Variants in MAGI2 observed in about 807,000 individuals in gnomAD.
The protein encoded by MAGI2 is membrane associated guanylate kinase, WW and PDZ domain containing 2.
MAGI2 carries 35 observed loss-of-function variants against 133.3 expected under a neutral mutation model. The observed-to-expected ratio is 0.26, with a 90% CI of 0.20 to 0.35. The LOEUF is 0.35. Ranked by LOEUF, MAGI2 falls within the 10% of genes least tolerant of loss-of-function variation. MAGI2 has a pLI of 1.00. For synonymous variants in MAGI2, 729 were observed against 710.6 expected (o/e 1.03, Z -0.41); for missense variants, 1,636 against 1,863.4 (o/e 0.88, Z 2.25).
chr7:78,676,717 G>T (rs137997244), intron 2 of MAGI2, among the ~76,000 whole-genome samples: 1 of 151,862 alleles, frequency 6.6e-6, no homozygotes, highest in Admixed American at 6.6e-5. Flanking sequence ...TTACATTATG[G>T]ATGAATAATC....
At chr7:78,793,925 G>T (rs1441864557) in intron 2 of MAGI2, among the ~76,000 whole-genome samples, 3 of 152,156 alleles carry the variant, frequency 2.0e-5, no homozygotes, top group Non-Finnish European at 4.4e-5. Flanking sequence ...CCTGTCTCAT[G>T]TAGGTATTTA....
In MAGI2 at chr7:79,453,596, C is replaced by A; in HGVS notation, c.-276G>T. 1 of 1,137,064 alleles carries A rather than the reference C, an allele frequency of 8.8e-7. No homozygotes were observed. Among genetic ancestry groups the A allele is most frequent in the South Asian group, 3.7e-5 (1 of 26,836 alleles). 70.4% of individuals were successfully genotyped at this position (1,137,064 alleles called of 1,614,324 possible). On this transcript the variant is annotated 5_prime_UTR_variant, in exon 1 of 22. Transcript: ENST00000354212. ...GGCTGTGGCCCCGCAGCAGAGGAAG[C>A]AGTGGTGGTGGCGTCGGCGGCGGCG... is the stretch of plus-strand genomic sequence containing the variant.
chr7:78,070,602 ATGTG>A (rs1326687659), intron 21 of MAGI2, among the ~76,000 whole-genome samples: 55 of 46,406 alleles, frequency 1.2e-3, no homozygotes, highest in Non-Finnish European at 2.1e-3. Context: ...ATGTGTATAT[ATGTG>A]TATATATATA....
chr7:78,865,970 A>G (rs1467705338), intron 2 of MAGI2, among the ~76,000 whole-genome samples: 5 of 152,170 alleles, frequency 3.3e-5, no homozygotes, highest in Non-Finnish European at 5.9e-5. Flanking sequence ...TCAATCTGAT[A>G]CAATCTGAAT....
At chr7:78,990,221 G>A (rs756448393) in intron 2 of MAGI2, among the ~76,000 whole-genome samples, 6 of 151,984 alleles carry the variant, frequency 3.9e-5, no homozygotes, top group African/African-American at 7.2e-5. Flanking sequence ...AGTTTACTAA[G>A]GCCACCTCAT....
At chr7:78,084,995 TC>T (rs1816459867) in intron 20 of MAGI2, among the ~76,000 whole-genome samples, 1 of 152,208 alleles carries the variant, frequency 6.6e-6, no homozygotes, top group Non-Finnish European at 1.5e-5. Context: ...TTAGATGGGT[TC>T]CAAGTGCCTA....
At chr7:79,422,090 C>G (rs1229786802) in intron 1 of MAGI2, among the ~76,000 whole-genome samples, 2 of 152,008 alleles carry the variant, frequency 1.3e-5, no homozygotes. Context: ...CAGGACCAAT[C>G]ACACTAAAGA....
chr7:79,265,571 T>C (rs1310287114), intron 1 of MAGI2, among the ~76,000 whole-genome samples: 1 of 152,212 alleles, frequency 6.6e-6, no homozygotes, highest in South Asian at 2.1e-4. Flanking sequence ...TACGTGCTTA[T>C]ATAAATATGC....
At chr7:78,031,368 T>C (rs1563025361) in intron 21 of MAGI2, among the ~76,000 whole-genome samples, 1 of 152,230 alleles carries the variant, frequency 6.6e-6, no homozygotes, top group Non-Finnish European at 1.5e-5. Context: ...TAATACTCAA[T>C]TTTTAAAATG....
intron 2 of MAGI2, among the ~76,000 whole-genome samples, chr7:78,830,946 G>T (rs1466913692): frequency 6.6e-6 from 1 of 152,120 alleles, no homozygotes; most frequent in African/African-American, 2.4e-5. Context: ...CATTGATTTT[G>T]GGGAAGAGTA....
chr7:78,807,453 T>G (rs1199290031), intron 2 of MAGI2, among the ~76,000 whole-genome samples: 1 of 152,178 alleles, frequency 6.6e-6, no homozygotes, highest in Non-Finnish European at 1.5e-5. Flanking sequence ...TCACATCTAT[T>G]TTTTTCATTC....
At chr7:79,084,914 G>A (rs946104648) in intron 1 of MAGI2, among the ~76,000 whole-genome samples, 1 of 151,662 alleles carries the variant, frequency 6.6e-6, no homozygotes, top group African/African-American at 2.4e-5. Flanking sequence ...TGAGCTTCAT[G>A]ATTTTCGATA....
chr7:79,433,501 C>T (rs1847926653), intron 1 of MAGI2, among the ~76,000 whole-genome samples: 1 of 150,962 alleles, frequency 6.6e-6, no homozygotes, highest in African/African-American at 2.4e-5. Flanking sequence ...TGCACTGAGG[C>T]GAGATAGCGC....
intron 3 of MAGI2, among the ~76,000 whole-genome samples, chr7:78,573,255 TAAA>T (rs1801801937): frequency 3.0e-5 from 1 of 33,526 alleles, no homozygotes; most frequent in African/African-American, 1.1e-4. Context: ...TAAATATATA[TAAA>T]TATAAATATA....
chr7:78,093,190 G>GCTCACA (rs1452976706), intron 20 of MAGI2, among the ~76,000 whole-genome samples: 2 of 149,222 alleles, frequency 1.3e-5, no homozygotes, highest in Non-Finnish European at 3.0e-5. Context: ...GGGCGTGGTG[G>GCTCACA]CTCACATCCA....
intron 4 of MAGI2, among the ~76,000 whole-genome samples, chr7:78,504,587 T>C (rs1794922993): frequency 6.6e-6 from 1 of 152,230 alleles, no homozygotes; most frequent in Middle Eastern, 3.4e-3. Context: ...ATCTTGGAAA[T>C]ATAAAATTCT....
intron 2 of MAGI2, among the ~76,000 whole-genome samples, chr7:78,640,894 C>G (rs1584935798): frequency 6.6e-6 from 1 of 152,196 alleles, no homozygotes; most frequent in East Asian, 1.9e-4. Flanking sequence ...TGTCCCCACC[C>G]AAATCTCATC....
At chr7:78,854,812 T>A (rs1189716666) in intron 2 of MAGI2, among the ~76,000 whole-genome samples, 1 of 152,164 alleles carries the variant, frequency 6.6e-6, no homozygotes, top group Non-Finnish European at 1.5e-5. Context: ...GTAAAACATG[T>A]TTAAGCAACA....
chr7:79,126,342 G>A (rs534316521), intron 1 of MAGI2, among the ~76,000 whole-genome samples: 18 of 152,298 alleles, frequency 1.2e-4, no homozygotes, highest in Admixed American at 7.2e-4. Flanking sequence ...GAATCAAGGT[G>A]TGTGTCCCAT....
Sources: allele counts gnomAD v4.1 joint callset (sites outside exome capture counted in the v4.1 genomes callset), GRCh38; gene constraint gnomAD v4.1.1; transcripts MANE v1.5; gene names NCBI Gene and HGNC (gene_info 2026-07-23, HGNC 2026-07-21).